AGAP1: variants seen among roughly 807,000 people sequenced by gnomAD.
The protein encoded by AGAP1 is ArfGAP with GTPase domain, ankyrin repeat and PH domain 1.
Under a neutral mutation model 105.3 loss-of-function variants are expected in AGAP1, and 29 were observed. That is an observed-to-expected ratio of 0.28 (90% CI 0.21 to 0.38). AGAP1 has a LOEUF of 0.38. Ranked by LOEUF, AGAP1 falls within the 10% of genes least tolerant of loss-of-function variation. The pLI is 1.00. For missense variants in AGAP1, 998 were observed against 1,165.1 expected, an observed-to-expected ratio of 0.86 and a Z score of 2.09; for synonymous variants, 509 against 485.9, an observed-to-expected ratio of 1.05 and a Z score of -0.63.
chr2:235,494,743 C>G lies in AGAP1; in HGVS notation c.57C>G (p.Arg19=). ...CTGCCATCCGGGCCGAGATCCAGCG[C>G]TTCGAGTCGGTCCACCCCAACATCT... The part of the protein sequence containing the change: ...NSAAIRAEIQ[R]FESVHPNIYS... The change falls in exon 1 of 18, where the codon CGC becomes CGG. Residue 19 remains arginine, a synonymous_variant. Transcript: ENST00000304032. The G allele has an allele frequency of 6.4e-7, 1 of 1,571,192 alleles. No homozygotes were observed. Among genetic ancestry groups the G allele is most frequent in the Non-Finnish European group, 8.6e-7 (1 of 1,158,918 alleles).
Position 235,845,175 on chromosome 2 carries a change from C to T in AGAP1, c.1050+37844C>T, listed in dbSNP as rs1403109659. Among the ~76,000 whole-genome samples the T allele has an allele frequency of 6.6e-6, 1 of 152,148 alleles. No homozygotes were observed. Among genetic ancestry groups the T allele is most frequent in the Non-Finnish European group, 1.5e-5 (1 of 68,034 alleles). On this transcript the variant is annotated intron_variant, in intron 9 of 17. Transcript: ENST00000304032. This position sits in a 1 kb window ranked among gnomAD's most constrained non-coding sequence, Gnocchi z 4.8. ...CTGAAGCTTAGTCCCAAGAGCCACA[C>T]ATGTCAAGGAAATCTGGGAGCAGCA...
At chr2:236,065,781 CA>C (rs2125775596) in intron 16 of AGAP1, among the ~76,000 whole-genome samples, 1 of 152,336 alleles carries the variant, frequency 6.6e-6, no homozygotes, top group African/African-American at 2.4e-5. Context: ...GGCTTCAGGG[CA>C]AATGAAGCCT....
In AGAP1 at chr2:235,882,467, T is replaced by C. The variant is rs940061936; in HGVS notation, c.1051-878T>C. On this transcript the variant is annotated intron_variant, in intron 9 of 17. Transcript: ENST00000304032. The surrounding 1 kb of genome is among the most constrained non-coding windows in gnomAD (Gnocchi z 4.6). Reference sequence around the variant, plus strand: ...GCTTGGCCCTATTGAAGCTGGCGATTCCCCCCACGTCTGGTTTGTCTGCCA... The same window carrying C: ...GCTTGGCCCTATTGAAGCTGGCGATCCCCCCCACGTCTGGTTTGTCTGCCA... 28 of 1,572,566 alleles carry C rather than the reference T, an allele frequency of 1.8e-5. No homozygotes were observed. The highest frequency in any genetic ancestry group is 8.4e-5 in the Admixed American group (5 of 59,240).
rs1243047323 is a variant in AGAP1, at chr2:235,552,264, A to C, written c.163+57415A>C. ...TGGTGTTGAGAAATACAGTTTCTGC[A>C]GGAAAGAGAGAGACATTGGTGCCAA... On this transcript the variant is annotated intron_variant, in intron 1 of 17. Coordinates refer to ENST00000304032, the MANE Select transcript of AGAP1 (RefSeq NM_001037131.3). The surrounding 1 kb of genome is among the most constrained non-coding windows in gnomAD (Gnocchi z 5.9). 6.6e-6 allele frequency among the ~76,000 whole-genome samples: 1 copy of C among 152,240 alleles called. No homozygotes were observed. The highest frequency in any genetic ancestry group is 2.4e-5 in the African/African-American group (1 of 41,464).
intron 16 of AGAP1, among the ~76,000 whole-genome samples, chr2:236,079,553 TACACAC>T (rs3030749): frequency 1.5e-5 from 2 of 129,428 alleles, no homozygotes; most frequent in African/African-American, 3.3e-5. Context: ...TATATATATA[TACACAC>T]ACACACACAC....
chr2:235,585,880 G>T (rs534135573), intron 1 of AGAP1, among the ~76,000 whole-genome samples: 1 of 152,260 alleles, frequency 6.6e-6, no homozygotes, highest in South Asian at 2.1e-4. Flanking sequence ...TAATTGGAGC[G>T]CCTGGAGAGC....
intron 9 of AGAP1, among the ~76,000 whole-genome samples, chr2:235,838,102 C>T (rs1023831090): frequency 3.3e-5 from 5 of 152,172 alleles, no homozygotes; most frequent in Non-Finnish European, 7.3e-5. Flanking sequence ...AAGAGAATCA[C>T]GTGAACCCAA....
intron 9 of AGAP1, among the ~76,000 whole-genome samples, chr2:235,833,542 GC>G (rs1959718221): frequency 2.1e-5 from 3 of 145,442 alleles, no homozygotes; most frequent in African/African-American, 5.2e-5. Context: ...TCATCACCCC[GC>G]CCCCTCCTCA....
At chr2:235,907,091 C>T (rs1276582249) in intron 10 of AGAP1, among the ~76,000 whole-genome samples, 1 of 152,202 alleles carries the variant, frequency 6.6e-6, no homozygotes, top group Non-Finnish European at 1.5e-5. Flanking sequence ...GGCCTCTCTG[C>T]TACCCTACCC....
rs1553556935 is a variant in AGAP1, at chr2:235,517,948, G to GAAAA, written c.163+23106_163+23109dup. 7.0e-6 allele frequency among the ~76,000 whole-genome samples: 1 copy of GAAAA among 142,888 alleles called. No homozygotes were observed. The highest frequency in any genetic ancestry group is 1.5e-5 in the Non-Finnish European group (1 of 64,772). The allele number at this position is 142,888 out of a possible 152,430, so 93.7% of individuals were successfully genotyped here. The stretch of plus-strand genomic sequence containing the variant: ...ACTCCGTTTCAAAAAAAAAAAAAAA[G>GAAAA]AAAAAAAAAAGGTAGAACTCATAGT... On this transcript the variant is annotated intron_variant, in intron 1 of 17. Coordinates refer to ENST00000304032, the MANE Select transcript of AGAP1 (RefSeq NM_001037131.3). This position sits in a 1 kb window ranked among gnomAD's most constrained non-coding sequence, Gnocchi z 4.1.
rs1328011111 is a variant in AGAP1 at position 235,750,239 on chromosome 2, A to C, written c.539-115A>C. On this transcript the variant is annotated intron_variant, in intron 5 of 17. Coordinates refer to ENST00000304032, the MANE Select transcript of AGAP1 (RefSeq NM_001037131.3). This position sits in a 1 kb window ranked among gnomAD's most constrained non-coding sequence, Gnocchi z 5.3. ...CGATGCTCTACAATTCCAGATTCAT[A>C]AACTAATTACATTTCTGCTGAGTAA... 2 of 1,442,432 alleles carry C rather than the reference A, an allele frequency of 1.4e-6. No homozygotes were observed. Among genetic ancestry groups the C allele is most frequent in the African/African-American group, 2.8e-5 (2 of 71,152 alleles). 89.4% of individuals were successfully genotyped at this position (1,442,432 alleles called of 1,614,324 possible).
At position 235,958,548 on chromosome 2, in the gene AGAP1, G is replaced by C. The variant is rs1454418175; in HGVS notation, c.1484-9914G>C. On this transcript the variant is annotated intron_variant, in intron 12 of 17. Transcript: ENST00000304032. This position sits in a 1 kb window ranked among gnomAD's most constrained non-coding sequence, Gnocchi z 4.1. The stretch of plus-strand genomic sequence containing the variant: ...CACACCTGGCGAGGACCCTCACCAA[G>C]GCGAGCTCCCTGCAATGGTTCATCA... Among the ~76,000 whole-genome samples the C allele has an allele frequency of 6.6e-6, 1 of 152,178 alleles. No homozygotes were observed. The highest frequency in any genetic ancestry group is 1.5e-5 in the Non-Finnish European group (1 of 68,030).
At position 235,560,371 on chromosome 2, in the gene AGAP1, C is replaced by T. The variant is rs557451566; in HGVS notation, c.163+65522C>T. 1.5e-4 allele frequency among the ~76,000 whole-genome samples: 23 copies of T among 152,144 alleles called. No homozygotes were observed. In the South Asian group the frequency reaches 4.2e-3, roughly 27 times the overall value. On this transcript the variant is annotated intron_variant, in intron 1 of 17. Coordinates refer to ENST00000304032, the MANE Select transcript of AGAP1 (RefSeq NM_001037131.3). ...TCCCTCCCTCCTCACCTCCCCATGC[C>T]TCCCTCCATCCCTTCCCCTACTGTG...
Position 235,906,181 on chromosome 2 carries a change from G to A in AGAP1, c.1156-2557G>A, listed in dbSNP as rs1462821399. 6.6e-6 allele frequency among the ~76,000 whole-genome samples: 1 copy of A among 152,158 alleles called. No homozygotes were observed. Among genetic ancestry groups the A allele is most frequent in the African/African-American group, 2.4e-5 (1 of 41,442 alleles). On this transcript the variant is annotated intron_variant, in intron 10 of 17. Transcript: ENST00000304032. This position sits in a 1 kb window ranked among gnomAD's most constrained non-coding sequence, Gnocchi z 5.3. ...AAATGGCCAGTCACCAGCCTCGGGT[G>A]GCCGGGCACCTCTGCTCCCGGCCTC...
In AGAP1 at chr2:235,844,323, A is replaced by C. The variant is rs531543875; in HGVS notation, c.1050+36992A>C. ...GGGGCAAGGGTCTGGGTGAACAGGG[A>C]GGGCAGCTCCCACCCACAGGGGCAG... is the stretch of plus-strand genomic sequence containing the variant. On this transcript the variant is annotated intron_variant, in intron 9 of 17. Coordinates refer to ENST00000304032, the MANE Select transcript of AGAP1 (RefSeq NM_001037131.3). 3.3e-5 allele frequency among the ~76,000 whole-genome samples: 5 copies of C among 152,268 alleles called. No individual in the cohort carries two copies. The South Asian group carries it at 1.0e-3, about 32-fold the overall frequency.
intron 1 of AGAP1, among the ~76,000 whole-genome samples, chr2:235,696,688 G>A (rs780325464): frequency 5.9e-5 from 9 of 152,098 alleles, no homozygotes; most frequent in Non-Finnish European, 5.9e-5. Context: ...CCATGCTATC[G>A]CTGCCCCTTT....
rs772384213 is a variant in AGAP1, at chr2:235,807,253, C to T, written c.972C>T (p.Ser324=). ...RSNLFTSRKG[S]DPDKEKKGLE... is the part of the protein sequence containing the mutation. ...TTGCTTTGCAGTCTCGGAAAGGGAG[C>T]GACCCAGACAAAGAGAAGAAAGGCC... Residue 324 remains serine, a synonymous_variant, in exon 9 of 18, where the codon AGC becomes AGT. Coordinates refer to ENST00000304032, the MANE Select transcript of AGAP1 (RefSeq NM_001037131.3). The T allele has an allele frequency of 1.6e-5, 26 of 1,609,674 alleles. No individual in the cohort carries two copies. Among genetic ancestry groups the T allele is most frequent in the South Asian group, 9.9e-5 (9 of 90,558 alleles).
intron 10 of AGAP1, among the ~76,000 whole-genome samples, chr2:235,903,767 G>A (rs1248699107): frequency 6.6e-6 from 1 of 152,084 alleles, no homozygotes; most frequent in Non-Finnish European, 1.5e-5. Context: ...GCCTAATACG[G>A]TATTTTGATG....
chr2:235,902,487 A>G (rs774065984), intron 10 of AGAP1, among the ~76,000 whole-genome samples: 1 of 152,226 alleles, frequency 6.6e-6, no homozygotes, highest in Non-Finnish European at 1.5e-5. Context: ...AAGAAAAACT[A>G]TTTTTGAAAT....
Sources: allele counts gnomAD v4.1 joint callset (sites outside exome capture counted in the v4.1 genomes callset), GRCh38; gene constraint gnomAD v4.1.1; non-coding constraint Gnocchi (gnomAD v3.1); transcripts MANE v1.5; gene names NCBI Gene and HGNC (gene_info 2026-07-23, HGNC 2026-07-21).